Variants in RERG observed in about 807,000 individuals in gnomAD.
RERG encodes RAS like estrogen regulated growth inhibitor, also known as ras-related and estrogen-regulated growth inhibitor.
In RERG, 25 loss-of-function variants were observed where a neutral mutation model predicts 23.2. The ratio of observed to expected loss-of-function variants is 1.08; its 90% confidence interval spans 0.79 to 1.50. The LOEUF (loss-of-function observed/expected upper bound fraction) is 1.50, where lower values mean the gene tolerates loss of function less well. RERG is among the 40% of genes most tolerant of loss of function. RERG has a pLI of 0.00. For missense variants in RERG, 253 were observed against 250.1 expected, an observed-to-expected ratio of 1.01 and a Z score of -0.08; for synonymous variants, 81 against 89.1, an observed-to-expected ratio of 0.91 and a Z score of 0.51.
intron 2 of RERG, among the ~76,000 whole-genome samples, chr12:15,162,349 A>G (rs1864627574): frequency 6.6e-6 from 1 of 152,220 alleles, no homozygotes. Context: ...AAATATTCCA[A>G]TGTATCAGAT....
intron 2 of RERG, among the ~76,000 whole-genome samples, chr12:15,143,954 G>A (rs966428023): frequency 3.3e-5 from 5 of 152,090 alleles, no homozygotes; most frequent in East Asian, 1.9e-4. Context: ...CAAGTGTAGA[G>A]GTTCTGAGGC....
intron 2 of RERG, among the ~76,000 whole-genome samples, chr12:15,165,659 A>G (rs1406275442): frequency 6.6e-6 from 1 of 152,240 alleles, no homozygotes; most frequent in Non-Finnish European, 1.5e-5. Context: ...GGTTAGCAGA[A>G]TGAAGTTTTA....
intron 2 of RERG, among the ~76,000 whole-genome samples, chr12:15,162,603 GA>G (rs879366818): frequency 1.3e-5 from 2 of 152,194 alleles, no homozygotes; most frequent in Non-Finnish European, 2.9e-5. Context: ...TGGGAGTATT[GA>G]AGTGAGAAAA....
chr12:15,201,247 A>C (rs1371863307), intron 2 of RERG, among the ~76,000 whole-genome samples: 1 of 151,788 alleles, frequency 6.6e-6, no homozygotes, highest in Non-Finnish European at 1.5e-5. Context: ...AGGGAAGAAA[A>C]TATTTGTCGA....
intron 2 of RERG, among the ~76,000 whole-genome samples, chr12:15,180,480 T>C (rs1364775812): frequency 1.3e-5 from 2 of 152,132 alleles, no homozygotes; most frequent in Admixed American, 1.3e-4. Context: ...CCTATCTCTC[T>C]GTACAGGCCC....
chr12:15,181,112 G>C (rs35369440), intron 2 of RERG, among the ~76,000 whole-genome samples: 3 of 151,810 alleles, frequency 2.0e-5, no homozygotes, highest in Non-Finnish European at 4.4e-5. Context: ...ACCTTCTGCC[G>C]CTGAGACTCT....
intron 2 of RERG, among the ~76,000 whole-genome samples, chr12:15,204,317 A>C (rs1395864968): frequency 6.6e-6 from 1 of 151,890 alleles, no homozygotes; most frequent in African/African-American, 2.4e-5. Context: ...ACATTATAAA[A>C]AGGATAGTCT....
At chr12:15,206,563 C>T (rs552172308) in intron 2 of RERG, among the ~76,000 whole-genome samples, 20 of 152,212 alleles carry the variant, frequency 1.3e-4, no homozygotes, top group Admixed American at 9.2e-4. Context: ...GTTAGAAATA[C>T]AAATTCTCTG....
intron 3 of RERG, among the ~76,000 whole-genome samples, chr12:15,119,704 C>A (rs1005027466): frequency 1.3e-5 from 2 of 151,926 alleles, no homozygotes; most frequent in African/African-American, 4.8e-5. Context: ...TATTTAAAAG[C>A]AAAAACAGAA....
At chr12:15,219,521 C>A (rs1865486931) in intron 1 of RERG, among the ~76,000 whole-genome samples, 1 of 152,152 alleles carries the variant, frequency 6.6e-6, no homozygotes, top group African/African-American at 2.4e-5. Context: ...TTTGTCCAGT[C>A]CCATATTTTT....
chr12:15,203,407 G>C (rs947524621), intron 2 of RERG, among the ~76,000 whole-genome samples: 2 of 151,470 alleles, frequency 1.3e-5, no homozygotes, highest in African/African-American at 2.4e-5. Flanking sequence ...AACAAACTAG[G>C]TATAGAAGGA....
chr12:15,117,675 G>GTGCGCGCGCA (rs1555119494), intron 3 of RERG, among the ~76,000 whole-genome samples: 4 of 145,020 alleles, frequency 2.8e-5, no homozygotes, highest in African/African-American at 8.3e-5. Flanking sequence ...TCACACACGC[G>GTGCGCGCGCA]CACACACACA....
chr12:15,161,160 AAG>A (rs1491540467), intron 2 of RERG, among the ~76,000 whole-genome samples: 1 of 126,346 alleles, frequency 7.9e-6, no homozygotes, highest in Non-Finnish European at 1.7e-5. Flanking sequence ...GAAAGAAAGA[AAG>A]AAAGAAAGAA....
chr12:15,145,516 G>C (rs917720621), intron 2 of RERG, among the ~76,000 whole-genome samples: 1 of 152,212 alleles, frequency 6.6e-6, no homozygotes, highest in Non-Finnish European at 1.5e-5. Flanking sequence ...GGGGCCCGGG[G>C]TGTGTCCGAT....
At chr12:15,118,601 G>A (rs1014015409) in intron 3 of RERG, among the ~76,000 whole-genome samples, 1 of 152,174 alleles carries the variant, frequency 6.6e-6, no homozygotes, top group Admixed American at 6.5e-5. Context: ...GGTGGGAGGG[G>A]ATTGGAGCAT....
At chr12:15,168,981 T>G (rs1002402765) in intron 2 of RERG, among the ~76,000 whole-genome samples, 1 of 151,388 alleles carries the variant, frequency 6.6e-6, no homozygotes, top group Non-Finnish European at 1.5e-5. Context: ...ACACTAAAGG[T>G]TTTTTTTTGT....
chr12:15,154,675 G>A (rs150449178), intron 2 of RERG, among the ~76,000 whole-genome samples: 55 of 152,280 alleles, frequency 3.6e-4, no homozygotes, highest in African/African-American at 1.3e-3. Flanking sequence ...GTGGCAGCTC[G>A]TTGGTCTCCT....
intron 2 of RERG, among the ~76,000 whole-genome samples, chr12:15,212,108 G>A (rs1233848353): frequency 1.1e-4 from 15 of 136,680 alleles, no homozygotes; most frequent in African/African-American, 2.7e-4. Context: ...GCCGGACTGC[G>A]GACTGCAGTG....
At position 15,195,831 on chromosome 12, in the gene RERG, C is replaced by T. The variant is rs1865137157; in HGVS notation, c.61+21598G>A. Reference sequence around the variant, plus strand: ...TCACAGCTTTGGTTCTCATCCTGCTCCCTATTAATATCTCCAATTCATGAC... The same window carrying T: ...TCACAGCTTTGGTTCTCATCCTGCTTCCTATTAATATCTCCAATTCATGAC... On this transcript the variant is annotated intron_variant, in intron 2 of 4. Transcript: ENST00000256953. Among the ~76,000 whole-genome samples, 3 of 152,122 alleles carry T rather than the reference C, an allele frequency of 2.0e-5. No individual in the cohort carries two copies. The South Asian group carries it at 6.2e-4, about 32-fold the overall frequency.
Sources: gnomAD v4.1 joint callset for allele counts (sites outside exome capture counted in the v4.1 genomes callset) on GRCh38, gnomAD v4.1.1 for gene constraint, MANE v1.5 for transcripts, NCBI Gene and HGNC (gene_info 2026-07-23, HGNC 2026-07-21) for gene names.